HSP90AA1: variants seen among roughly 807,000 people sequenced by gnomAD.
HSP90AA1 encodes heat shock protein 90 alpha family class A member 1.
A neutral mutation model predicts 73.3 loss-of-function variants in HSP90AA1; 18 were observed. The observed-to-expected ratio is 0.25, with a 90% confidence interval of 0.17 to 0.36. HSP90AA1 has a LOEUF of 0.36. Ranked by LOEUF, HSP90AA1 falls within the 10% of genes least tolerant of loss-of-function variation. The pLI is 1.00. For missense variants in HSP90AA1, 704 were observed against 874.2 expected (o/e 0.81, Z 2.45); for synonymous variants, 477 against 296.9 (o/e 1.61, Z -6.24).
chr14:102,088,454 G>C (rs3809386), upstream of HSP90AA1, among the ~76,000 whole-genome samples: 108,498 of 152,198 alleles, frequency 0.71, 42,704 homozygotes, highest in Non-Finnish European at 0.87. Context: ...CAGGAGCAGG[G>C]GTTTTCAGAC....
At chr14:102,088,463 A>T (rs1296985537), upstream of HSP90AA1, among the ~76,000 whole-genome samples, 1 of 152,202 alleles carries the variant, frequency 6.6e-6, no homozygotes, top group Admixed American at 6.5e-5. Flanking sequence ...GGGTTTTCAG[A>T]CTGCGGCCTG....
intron 2 of HSP90AA1, among the ~76,000 whole-genome samples, chr14:102,100,425 T>G (rs902692138): frequency 1.3e-3 from 13 of 10,116 alleles, no homozygotes; most frequent in Non-Finnish European, 6.8e-3. Context: ...CCAGTCTGGT[T>G]TTTTTTTTTT....
Position 102,081,424 on chromosome 14 carries a change from A to G in HSP90AA1, c.*288T>C. The G allele has an allele frequency of 4.8e-6, 2 of 416,588 alleles. No homozygotes were observed. The highest frequency in any genetic ancestry group is 8.7e-6 in the Non-Finnish European group (2 of 228,724). The allele number at this position is 416,588 out of a possible 1,614,324, so 25.8% of individuals were successfully genotyped here. A position where few individuals can be genotyped will look rare whatever the true frequency, so the allele number is the denominator to read the frequency against. ...TAGGCATCCGGCTTGACAGCTAAAC[A>G]CTTTAGACCACAAAGTTAACATCAT... On this transcript the variant is annotated 3_prime_UTR_variant, in exon 11 of 11. Coordinates refer to ENST00000216281, the MANE Select transcript of HSP90AA1 (RefSeq NM_005348.4).
chr14:102,118,854 CTTTTTT>C (rs11298881), intron 1 of HSP90AA1, among the ~76,000 whole-genome samples: 4 of 107,150 alleles, frequency 3.7e-5, no homozygotes, highest in Non-Finnish European at 5.9e-5. Flanking sequence ...CTTTTCCTTC[CTTTTTT>C]TTTTTTTTTT....
Position 102,082,358 on chromosome 14 carries a change from C to A in HSP90AA1, c.1842G>T (p.Met614Ile). The stretch of plus-strand genomic sequence containing the variant: ...AGTTGTCTCTTAGGGCTTGAGCTTT[C>A]ATGATTCTCTCCATGTTTGCTGTCC... ...YGWTANMERI[M>I]KAQALRDNST... The change falls in exon 10 of 11, where the codon ATG (methionine) becomes ATT (isoleucine). Residue 614 changes from methionine (M) to isoleucine (I), a missense_variant. Coordinates refer to ENST00000216281, the MANE Select transcript of HSP90AA1 (RefSeq NM_005348.4). 1 of 1,614,004 alleles carries A rather than the reference C, an allele frequency of 6.2e-7. No individual in the cohort carries two copies. The highest frequency in any genetic ancestry group is 8.5e-7 in the Non-Finnish European group (1 of 1,179,892).
chr14:102,086,880 G>T, intron 1 of HSP90AA1, 106 bp downstream of exon 1: 1 of 633,064 alleles, frequency 1.6e-6, no homozygotes, highest in Non-Finnish European at 2.0e-6. Flanking sequence ...CGCGGCCCTG[G>T]CTGCTTCAGG....
rs758524287 is a variant in HSP90AA1 at position 102,084,953 on chromosome 14, C to T, written c.709G>A (p.Glu237Lys). The change falls in exon 5 of 11, where the codon GAA (glutamate) becomes AAA (lysine). Residue 237 changes from glutamate to lysine, a missense_variant. Transcript: ENST00000216281. ...TTTTCTTCTTCTTTGTCTTCCTTTT[C>T]TTCAGCCTCATCATCGCTTACTTCT... The part of the protein sequence containing the change: ...DKEVSDDEAE[E>K]KEDKEEEKEK... The T allele has an allele frequency of 6.2e-6, 10 of 1,606,398 alleles. No homozygotes were observed. The highest frequency in any genetic ancestry group is 8.5e-6 in the Non-Finnish European group (10 of 1,173,310).
At chr14:102,095,329 G>A (rs2049410051) in intron 2 of HSP90AA1, among the ~76,000 whole-genome samples, 1 of 152,108 alleles carries the variant, frequency 6.6e-6, no homozygotes, top group South Asian at 2.1e-4. Context: ...GTGCTTGGGT[G>A]TGGGAGCACC....
intron 1 of HSP90AA1, among the ~76,000 whole-genome samples, chr14:102,105,008 C>T (rs917515846): frequency 6.7e-6 from 1 of 148,182 alleles, no homozygotes; most frequent in Non-Finnish European, 1.5e-5. Flanking sequence ...ACCATACTGC[C>T]TAACATGGTG....
intron 1 of HSP90AA1, 149 bp from the exon 2 acceptor site, chr14:102,086,527 A>AT (rs2049240804): frequency 2.2e-6 from 2 of 928,998 alleles, no homozygotes; most frequent in Admixed American, 1.9e-5. Context: ...CTGACAAAGG[A>AT]TGACCTCATT....
intron 1 of HSP90AA1, among the ~76,000 whole-genome samples, chr14:102,129,795 G>C (rs975703615): frequency 9.1e-6 from 1 of 110,244 alleles, no homozygotes; most frequent in Non-Finnish European, 2.2e-5. Context: ...GAGCCACCAC[G>C]CCCGACAACT....
chr14:102,138,311 A>G (rs944245758), intron 1 of HSP90AA1, among the ~76,000 whole-genome samples: 1 of 152,192 alleles, frequency 6.6e-6, no homozygotes. Context: ...CTATCCTTCA[A>G]GTTGATTATT....
chr14:102,115,377 G>A (rs949753209), intron 1 of HSP90AA1, among the ~76,000 whole-genome samples: 17 of 151,998 alleles, frequency 1.1e-4, no homozygotes, highest in African/African-American at 4.1e-4. Context: ...GCTAGGATGG[G>A]AGAAGGAATC....
At chr14:102,121,919 C>T (rs1415777534) in intron 1 of HSP90AA1, among the ~76,000 whole-genome samples, 1 of 151,838 alleles carries the variant, frequency 6.6e-6, no homozygotes, top group Non-Finnish European at 1.5e-5. Context: ...AATATTTTTT[C>T]CAAGGTTGTT....
intron 1 of HSP90AA1, among the ~76,000 whole-genome samples, chr14:102,103,206 C>G (rs994557011): frequency 8.3e-6 from 1 of 121,056 alleles, no homozygotes; most frequent in Non-Finnish European, 1.7e-5. Flanking sequence ...AAAAAAAAAG[C>G]AGAAGTGGGA....
At chr14:102,089,843 C>T (rs1339219124), upstream of HSP90AA1, among the ~76,000 whole-genome samples, 3 of 152,196 alleles carry the variant, frequency 2.0e-5, no homozygotes, top group Non-Finnish European at 4.4e-5. Context: ...AGCCACTTCC[C>T]TCCACCTTCA....
rs1398560878 is a variant in HSP90AA1, at chr14:102,081,050, T to A, written c.*662A>T. The stretch of plus-strand genomic sequence containing the variant: ...AAATAAGACACTGTCACACAATATC[T>A]TTTAACTCATCTGTATTTGTTACAA... On this transcript the variant is annotated 3_prime_UTR_variant, in exon 11 of 11. Transcript: ENST00000216281. 1 of 227,996 alleles carries A rather than the reference T, an allele frequency of 4.4e-6. No homozygotes were observed. Among genetic ancestry groups the A allele is most frequent in the African/African-American group, 2.2e-5 (1 of 45,014 alleles). 14.1% of individuals were successfully genotyped at this position (227,996 alleles called of 1,614,324 possible).
chr14:102,135,861 G>A (rs1195468349), intron 1 of HSP90AA1, among the ~76,000 whole-genome samples: 1 of 152,244 alleles, frequency 6.6e-6, no homozygotes, highest in Non-Finnish European at 1.5e-5. Flanking sequence ...CGCAAGAGCC[G>A]CACGCAGCCC....
chr14:102,115,200 G>A (rs908628723), intron 1 of HSP90AA1, among the ~76,000 whole-genome samples: 10 of 151,954 alleles, frequency 6.6e-5, no homozygotes, highest in African/African-American at 2.4e-4. Flanking sequence ...TAGGGAGGCT[G>A]AGACAAGAGG....
Sources: gnomAD v4.1 joint callset for allele counts (sites outside exome capture counted in the v4.1 genomes callset) on GRCh38, gnomAD v4.1.1 for gene constraint, MANE v1.5 for transcripts, NCBI Gene and HGNC (gene_info 2026-07-23, HGNC 2026-07-21) for gene names.